Variants in NPC1 observed in about 807,000 individuals in gnomAD.
The protein encoded by NPC1 is Niemann-Pick C1 protein.
NPC1 carries 85 observed loss-of-function variants against 140.4 expected under a neutral mutation model. The observed-to-expected ratio is 0.61, with a 90% CI of 0.51 to 0.72. The LOEUF is 0.72. Among genes scored for constraint, NPC1 ranks in the 30% least tolerant of loss-of-function variants. NPC1 has a pLI of 0.00. For missense variants in NPC1, 1,504 were observed against 1,623.8 expected (o/e 0.93, Z 1.27); for synonymous variants, 656 against 624.8 (o/e 1.05, Z -0.74).
At position 23,557,163 on chromosome 18, in the gene NPC1, A is replaced by C; in HGVS notation, c.909T>G (p.Thr303=). Residue 303 remains threonine, a synonymous_variant, in exon 7 of 25, where the codon ACT becomes ACG. Transcript: ENST00000269228. Reference sequence around the variant, plus strand: ...AAAAAGCTATATTGCTATCGATGGGAGTGTACTCGGAGACAAAATACCGTT... The same window carrying C: ...AAAAAGCTATATTGCTATCGATGGGCGTGTACTCGGAGACAAAATACCGTT... ...YRKRYFVSEY[T]PIDSNIAFSV... is the part of the protein sequence containing the mutation. The C allele has an allele frequency of 6.2e-7, 1 of 1,613,708 alleles. No individual in the cohort carries two copies. The highest frequency in any genetic ancestry group is 1.1e-5 in the South Asian group (1 of 91,080).
chr18:23,509,803 C>T (rs1426445765), intron 3 of NPC1: 1 of 152,034 alleles, frequency 6.6e-6, no homozygotes, highest in African/African-American at 2.4e-5. Context: ...AGGTGATCCA[C>T]CCGCCTCGGC....
rs144722701 is a variant in NPC1 at position 23,510,413 on chromosome 18, C to T, written c.432-3771G>A. On this transcript the variant is annotated intron_variant, in intron 3 of 3. Coordinates refer to the NPC1 transcript ENST00000591107. Reference sequence around the variant, plus strand: ...CTGTAATCCCAGCACTTTGGGAGACCGAGGTGGGCAGATCACCTGAGGTCA... The same window carrying T: ...CTGTAATCCCAGCACTTTGGGAGACTGAGGTGGGCAGATCACCTGAGGTCA... Among the ~76,000 whole-genome samples the T allele has an allele frequency of 5.0e-3, 754 of 151,732 alleles. 9 individuals carry two copies. Among genetic ancestry groups the T allele is most frequent in the African/African-American group, 0.018 (730 of 41,402 alleles).
rs1370541908 is a variant in NPC1, at chr18:23,586,454, G to T, written c.-111C>A. The T allele has an allele frequency of 6.0e-6, 9 of 1,488,624 alleles. No individual in the cohort carries two copies. The highest frequency in any genetic ancestry group is 8.0e-6 in the Non-Finnish European group (9 of 1,126,232). 92.2% of individuals were successfully genotyped at this position (1,488,624 alleles called of 1,614,324 possible). On this transcript the variant is annotated 5_prime_UTR_variant, in exon 1 of 25. Coordinates refer to ENST00000269228, the MANE Select transcript of NPC1 (RefSeq NM_000271.5). ...AGCACCCCGCGCAGGAGGAGCGGAG[G>T]AGCAGGAGCAGGCGCTGACCGCGGC...
rs769133876 is a variant in NPC1, at chr18:23,541,156, C to T, written c.2426G>A (p.Ser809Asn). Residue 809 changes from serine (S) to asparagine (N), a missense_variant, in exon 16 of 25, where the codon AGC becomes AAC. Transcript: ENST00000269228. ...CAAACAGCTCTCTGAGGCCTGGACG[C>T]TTGTTCCATCTTCAGCACCTCTGAC... ...CCVRGAEDGT[S>N]VQASESCLFR... 3 of 1,614,206 alleles carry T rather than the reference C, an allele frequency of 1.9e-6. No homozygotes were observed. Among genetic ancestry groups the T allele is most frequent in the Non-Finnish European group, 2.5e-6 (3 of 1,180,034 alleles).
chr18:23,520,515 A>G (rs188637127), downstream of NPC1, among the ~76,000 whole-genome samples: 16 of 152,326 alleles, frequency 1.1e-4, no homozygotes, highest in East Asian at 3.1e-3. Context: ...GCTGGTAGGT[A>G]GTGTCGTGAT....
chr18:23,572,442 G>C (rs544707342), intron 2 of NPC1, among the ~76,000 whole-genome samples: 37 of 148,966 alleles, frequency 2.5e-4, no homozygotes, highest in African/African-American at 9.0e-4. Context: ...TGTCTTCTTA[G>C]GGTTTTTTGT....
chr18:23,531,767 T>C lies in NPC1; in HGVS notation c.*435A>G. ...AGTTAATTTATTGCATTAATAAAGC[T>C]CTTTAAACTATAAAATGTTATAAAG... On this transcript the variant is annotated 3_prime_UTR_variant, in exon 25 of 25. Transcript: ENST00000269228. 2 of 1,577,822 alleles carry C rather than the reference T, an allele frequency of 1.3e-6. No individual in the cohort carries two copies.
chr18:23,553,724 C>A (rs1367754002), intron 9 of NPC1, among the ~76,000 whole-genome samples: 2 of 152,206 alleles, frequency 1.3e-5, no homozygotes, highest in East Asian at 3.9e-4. Flanking sequence ...CTACTCTTCC[C>A]CTACTGGGAG....
In NPC1 at chr18:23,561,659, CACTA is replaced by C. The variant is rs550453077; in HGVS notation, c.464-136_464-133del. ...CCATGCTGGAATGCTGGACAGCAAA[CACTA>C]ACTAAGGGCACGAACAGAGATTCCC... On this transcript the variant is annotated intron_variant, in intron 4 of 24. Coordinates refer to ENST00000269228, the MANE Select transcript of NPC1 (RefSeq NM_000271.5). 9.0e-5 allele frequency: 80 copies of C among 889,096 alleles called. 1 individual carries two copies. Among genetic ancestry groups the C allele is most frequent in the Middle Eastern group, 6.7e-4 (2 of 2,978 alleles). The allele number at this position is 889,096 out of a possible 1,614,324, so 55.1% of individuals were successfully genotyped here.
In NPC1 at chr18:23,539,973, G is replaced by C; in HGVS notation, c.2633C>G (p.Ser878Cys). The C allele has an allele frequency of 6.2e-7, 1 of 1,614,178 alleles. No individual in the cohort carries two copies. The highest frequency in any genetic ancestry group is 8.5e-7 in the Non-Finnish European group (1 of 1,180,010). The change falls in exon 18 of 25, where the codon TCC becomes TGC. Residue 878 changes from serine to cysteine, a missense_variant. By Grantham distance (112) the Ser-to-Cys change is moderately radical. Coordinates refer to ENST00000269228, the MANE Select transcript of NPC1 (RefSeq NM_000271.5). ...ACCCGCATGCAGGTACTGACTGATG[G>C]ATTTGAAATAATCCACCATGTAGGA... is the stretch of plus-strand genomic sequence containing the variant. ...DDSYMVDYFK[S>C]ISQYLHAGPP...
At chr18:23,524,506 G>T, downstream of NPC1, 1 of 1,611,798 alleles carries the variant, frequency 6.2e-7, no homozygotes, top group Admixed American at 1.7e-5. Context: ...GACAGTTGTC[G>T]TGTTACAACA....
In NPC1 at chr18:23,541,380, C is replaced by T; in HGVS notation, c.2299G>A (p.Ala767Thr). The change falls in exon 15 of 25, where the codon GCA becomes ACA. Residue 767 changes from alanine to threonine, a missense_variant. By Grantham distance (58) the Ala-to-Thr change is moderately conservative. Transcript: ENST00000269228. ...VHTFSLFAGL[A>T]VFIDFLLQIT... ...TGCAGAAGAAAGTCAATGAAGACTG[C>T]CAATCCCGCAAAGAGAGAGAAGGTG... The T allele has an allele frequency of 6.2e-7, 1 of 1,614,192 alleles. No individual in the cohort carries two copies. The highest frequency in any genetic ancestry group is 1.3e-5 in the African/African-American group (1 of 75,056).
intron 10 of NPC1, among the ~76,000 whole-genome samples, chr18:23,550,279 GGGATTACAGGCATGAATAA>G (rs1208510553): frequency 2.0e-5 from 3 of 151,834 alleles, no homozygotes; most frequent in Non-Finnish European, 4.4e-5. Context: ...CCAAATTGCT[GGGATTACAGGCATGAATAA>G]CTCTCGGCCC....
At chr18:23,578,691 TCA>T (rs1195583813) in intron 1 of NPC1, among the ~76,000 whole-genome samples, 1 of 152,224 alleles carries the variant, frequency 6.6e-6, no homozygotes, top group East Asian at 1.9e-4. Flanking sequence ...TCTCTCAGCT[TCA>T]GTGATCTCCA....
chr18:23,513,925 C>T (rs1026587443), intron 3 of NPC1, among the ~76,000 whole-genome samples: 2 of 152,170 alleles, frequency 1.3e-5, no homozygotes, highest in Admixed American at 6.6e-5. Flanking sequence ...GATATTAACA[C>T]CTTCTTAGAG....
In NPC1 at chr18:23,539,447, G is replaced by A. The variant is rs143124972; in HGVS notation, c.2819C>T (p.Ser940Leu). The A allele has an allele frequency of 2.0e-5, 32 of 1,613,258 alleles. No individual in the cohort carries two copies. The highest frequency in any genetic ancestry group is 4.5e-5 in the East Asian group (2 of 44,890). Residue 940 changes from serine (S) to leucine (L), a missense_variant, in exon 19 of 25, where the codon TCG becomes TTG. By Grantham distance (145) the Ser-to-Leu change is moderately radical (BLOSUM62 -2). Coordinates refer to ENST00000269228, the MANE Select transcript of NPC1 (RefSeq NM_000271.5). ...GTCGAAATAATCGTCGATCCAGGAC[G>A]AGGGGGCGAAGCCTATTCGGGTACT... Reference protein sequence around the residue: ...DNYTRIGFAPSSWIDDYFDWV... With the variant: ...DNYTRIGFAPLSWIDDYFDWV...
At chr18:23,538,244 T>C (rs2058661563) in intron 20 of NPC1, among the ~76,000 whole-genome samples, 1 of 152,150 alleles carries the variant, frequency 6.6e-6, no homozygotes, top group Non-Finnish European at 1.5e-5. Context: ...GGCCGTCCTC[T>C]CCCTCAGCCC....
At chr18:23,534,144 G>A (rs2058587936) in intron 23 of NPC1, 6 of 509,770 alleles carry the variant, frequency 1.2e-5, no homozygotes, top group Non-Finnish European at 1.8e-5. Flanking sequence ...CACATCACAC[G>A]CTGGGTTCTG....
chr18:23,560,058 A>C (rs2059015645), intron 6 of NPC1, among the ~76,000 whole-genome samples, 173 bp downstream of exon 6: 1 of 152,252 alleles, frequency 6.6e-6, no homozygotes, highest in Admixed American at 6.5e-5. Context: ...AGTGTTAAAC[A>C]GAACTTTGAT....
Sources: allele counts gnomAD v4.1 joint callset (sites outside exome capture counted in the v4.1 genomes callset), GRCh38; gene constraint gnomAD v4.1.1; transcripts MANE v1.5; gene names NCBI Gene and HGNC (gene_info 2026-07-23, HGNC 2026-07-21).